CSGALNACT1: variants seen among roughly 807,000 people sequenced by gnomAD.
CSGALNACT1 encodes beta4GalNAcT-1.
A neutral mutation model predicts 51.0 loss-of-function variants in CSGALNACT1; 52 were observed. The ratio of observed to expected loss-of-function variants is 1.02; its 90% CI spans 0.82 to 1.29. The LOEUF (loss-of-function observed/expected upper bound fraction) is 1.29, where lower values mean the gene tolerates loss of function less well. Ranked by LOEUF, CSGALNACT1 falls within the 50% of genes most tolerant of loss-of-function variation. The probability of loss-of-function intolerance (pLI) is 0.00; values close to 1 mark genes in which losing one functional copy is unlikely to be tolerated. For missense variants in CSGALNACT1, 935 were observed against 679.2 expected (o/e 1.38, Z -4.19); for synonymous variants, 341 against 254.4 (o/e 1.34, Z -3.24).
At chr8:19,562,708 T>A (rs775261976) in intron 3 of CSGALNACT1, among the ~76,000 whole-genome samples, 1 of 152,128 alleles carries the variant, frequency 6.6e-6, no homozygotes, top group East Asian at 1.9e-4. Context: ...ATTAGAGAAA[T>A]GCAAACCAAA....
At chr8:19,412,644 G>A (rs567501837) in intron 8 of CSGALNACT1, among the ~76,000 whole-genome samples, 38 of 152,354 alleles carry the variant, frequency 2.5e-4, no homozygotes, top group Non-Finnish European at 4.6e-4. Context: ...CCATGTAGCT[G>A]CACAGGGCCC....
intron 5 of CSGALNACT1, among the ~76,000 whole-genome samples, chr8:19,444,855 A>C (rs2061867885): frequency 6.6e-6 from 1 of 152,204 alleles, no homozygotes; most frequent in Non-Finnish European, 1.5e-5. Context: ...TGTGGGGTGG[A>C]ATGGCTGGGG....
chr8:19,657,908 G>T (rs1040657388), intron 1 of CSGALNACT1, among the ~76,000 whole-genome samples: 31 of 152,030 alleles, frequency 2.0e-4, no homozygotes, highest in African/African-American at 7.5e-4. Flanking sequence ...TTGTTAGATG[G>T]CCTGGGGGCA....
At chr8:19,637,813 G>A (rs2056269756) in intron 1 of CSGALNACT1, among the ~76,000 whole-genome samples, 1 of 149,988 alleles carries the variant, frequency 6.7e-6, no homozygotes, top group African/African-American at 2.5e-5. Context: ...CGTTGTACGA[G>A]AATGTTCTCG....
intron 1 of CSGALNACT1, among the ~76,000 whole-genome samples, chr8:19,651,324 C>T (rs4535751): frequency 0.89 from 135,084 of 152,174 alleles, 60,093 homozygotes; most frequent in East Asian, 1. Flanking sequence ...CATGGGTAAA[C>T]AGCCTGTTGC....
At chr8:19,539,284 T>G (rs1416444117) in intron 3 of CSGALNACT1, among the ~76,000 whole-genome samples, 2 of 152,180 alleles carry the variant, frequency 1.3e-5, no homozygotes, top group Non-Finnish European at 2.9e-5. Flanking sequence ...ATATCCAAAT[T>G]TGCTCATTCT....
chr8:19,464,783 C>T (rs1391452983), intron 4 of CSGALNACT1, among the ~76,000 whole-genome samples: 2 of 152,174 alleles, frequency 1.3e-5, no homozygotes, highest in Admixed American at 1.3e-4. Flanking sequence ...CCACCTTCCC[C>T]TTGTTGTGGA....
chr8:19,580,447 G>A (rs1419895033), intron 3 of CSGALNACT1, among the ~76,000 whole-genome samples: 1 of 152,124 alleles, frequency 6.6e-6, no homozygotes, highest in Non-Finnish European at 1.5e-5. Context: ...ACTCTCAATG[G>A]CTTATACCTT....
chr8:19,650,344 TAA>T (rs1478169677), intron 1 of CSGALNACT1, among the ~76,000 whole-genome samples: 2 of 152,176 alleles, frequency 1.3e-5, no homozygotes, highest in Admixed American at 1.3e-4. Flanking sequence ...CAGTGTGAAA[TAA>T]AGAGATGTAA....
intron 4 of CSGALNACT1, among the ~76,000 whole-genome samples, chr8:19,464,463 T>C (rs2066229349): frequency 6.6e-6 from 1 of 152,184 alleles, no homozygotes; most frequent in South Asian, 2.1e-4. Context: ...GTTTCAAGTC[T>C]TGTTCTTGCC....
intron 8 of CSGALNACT1, among the ~76,000 whole-genome samples, chr8:19,410,160 A>G (rs1217744462): frequency 6.6e-6 from 1 of 152,200 alleles, no homozygotes; most frequent in African/African-American, 2.4e-5. Context: ...TGCAAGCATC[A>G]GGACTGCTCA....
intron 1 of CSGALNACT1, among the ~76,000 whole-genome samples, chr8:19,702,084 A>G (rs544283178): frequency 5.8e-4 from 88 of 152,240 alleles, no homozygotes; most frequent in African/African-American, 2.1e-3. Flanking sequence ...TACTGCTTGA[A>G]CCATCATTAT....
chr8:19,672,485 C>A (rs2059870210), intron 1 of CSGALNACT1, among the ~76,000 whole-genome samples: 1 of 152,178 alleles, frequency 6.6e-6, no homozygotes, highest in Non-Finnish European at 1.5e-5. Context: ...AACAAGACTG[C>A]AAAGTATTTC....
At chr8:19,469,561 T>A (rs1485216005) in intron 4 of CSGALNACT1, among the ~76,000 whole-genome samples, 1 of 152,164 alleles carries the variant, frequency 6.6e-6, no homozygotes, top group Non-Finnish European at 1.5e-5. Flanking sequence ...TGTTTTTCCT[T>A]CAATTCCTTG....
intron 3 of CSGALNACT1, 106 bp from the exon 3 acceptor site, chr8:19,506,236 A>C: frequency 2.5e-6 from 1 of 392,352 alleles, no homozygotes; most frequent in Non-Finnish European, 4.9e-6. Flanking sequence ...GTTATGGCAA[A>C]TGCCTATGAT....
chr8:19,463,276 T>G (rs991828857), intron 4 of CSGALNACT1, among the ~76,000 whole-genome samples: 12 of 152,192 alleles, frequency 7.9e-5, no homozygotes, highest in African/African-American at 2.9e-4. Flanking sequence ...TAGCACAATT[T>G]CATCTCTTTT....
At chr8:19,413,818 T>C (rs1426936995) in intron 8 of CSGALNACT1, among the ~76,000 whole-genome samples, 2 of 152,112 alleles carry the variant, frequency 1.3e-5, no homozygotes, top group African/African-American at 4.8e-5. Flanking sequence ...GGAGGTGGCC[T>C]TGAGGAGCAG....
intron 4 of CSGALNACT1, among the ~76,000 whole-genome samples, chr8:19,497,752 C>G (rs1221000208): frequency 8.1e-4 from 123 of 152,162 alleles, no homozygotes; most frequent in Non-Finnish European, 4.4e-5. Context: ...AAAAGTCAAA[C>G]TGTGAACTGC....
intron 1 of CSGALNACT1, among the ~76,000 whole-genome samples, chr8:19,751,647 C>T (rs1032946394): frequency 2.0e-5 from 3 of 152,096 alleles, no homozygotes; most frequent in Admixed American, 6.6e-5. Flanking sequence ...ATTATAATCC[C>T]CACATATGGA....
Sources: allele counts gnomAD v4.1 joint callset (sites outside exome capture counted in the v4.1 genomes callset), GRCh38; gene constraint gnomAD v4.1.1; transcripts MANE v1.5; gene names NCBI Gene and HGNC (gene_info 2026-07-23, HGNC 2026-07-21).